The following DIP2B variants were observed in gnomAD, a reference collection of about 807,000 sequenced individuals.
The protein encoded by DIP2B is DIP2 acetate--CoA ligase B (putative).
In DIP2B, 76 loss-of-function variants were observed where a neutral mutation model predicts 198.0. The observed-to-expected ratio is 0.38, with a 90% CI of 0.32 to 0.46. The LOEUF (loss-of-function observed/expected upper bound fraction) is 0.46, where lower values mean the gene tolerates loss of function less well. Among genes scored for constraint, DIP2B ranks in the 20% least tolerant of loss-of-function variants. The probability of loss-of-function intolerance (pLI) is 0.99; values close to 1 mark genes in which losing one functional copy is unlikely to be tolerated. For synonymous variants in DIP2B, 701 were observed against 739.1 expected (o/e 0.95, Z 0.84); for missense variants, 1,559 against 1,978.4 (o/e 0.79, Z 4.02).
chr12:50,638,288 G>A (rs1397565736), intron 2 of DIP2B, among the ~76,000 whole-genome samples: 1 of 152,120 alleles, frequency 6.6e-6, no homozygotes, highest in Non-Finnish European at 1.5e-5. Flanking sequence ...GGTTTTATGC[G>A]TAATTCATCC....
At chr12:50,659,349 T>A (rs577864357) in intron 3 of DIP2B, among the ~76,000 whole-genome samples, 1 of 152,314 alleles carries the variant, frequency 6.6e-6, no homozygotes, top group African/African-American at 2.4e-5. Flanking sequence ...ATATTTACTT[T>A]ACAGAGCGGT....
intron 1 of DIP2B, among the ~76,000 whole-genome samples, chr12:50,526,978 G>A (rs147730032): frequency 2.0e-5 from 3 of 152,220 alleles, no homozygotes; most frequent in Non-Finnish European, 4.4e-5. Context: ...CGTAGGATCT[G>A]ATCTAAAGCA....
intron 1 of DIP2B, among the ~76,000 whole-genome samples, chr12:50,514,867 A>C (rs959586548): frequency 1.6e-4 from 24 of 152,192 alleles, no homozygotes; most frequent in African/African-American, 5.5e-4. Flanking sequence ...TTTGTTGCCC[A>C]GGCTGATCTT....
At chr12:50,588,588 T>C (rs1389385815) in intron 1 of DIP2B, among the ~76,000 whole-genome samples, 2 of 152,202 alleles carry the variant, frequency 1.3e-5, no homozygotes, top group Non-Finnish European at 2.9e-5. Flanking sequence ...GAATGCTGTC[T>C]GAATGAGATA....
chr12:50,667,925 T>C (rs1312161350), intron 4 of DIP2B, among the ~76,000 whole-genome samples: 1 of 152,192 alleles, frequency 6.6e-6, no homozygotes, highest in Non-Finnish European at 1.5e-5. Flanking sequence ...CTCCCAGCTA[T>C]GGTTAGGATA....
In DIP2B at chr12:50,682,998, T is replaced by G. The variant is rs1468757057; in HGVS notation, c.1207-140T>G. The G allele has an allele frequency of 6.7e-5, 46 of 686,550 alleles. No homozygotes were observed. In the South Asian group the frequency reaches 9.2e-4, roughly 14 times the overall value. The allele number at this position is 686,550 out of a possible 1,614,324, so 42.5% of individuals were successfully genotyped here. Reference sequence around the variant, plus strand: ...GATGTGTGTCTCTATCTCAGTAACTTAATTTCCTTTAGAGCAGATGGCTGT... The same window carrying G: ...GATGTGTGTCTCTATCTCAGTAACTGAATTTCCTTTAGAGCAGATGGCTGT... On this transcript the variant is annotated intron_variant, in intron 9 of 37. Transcript: ENST00000301180.
At chr12:50,584,856 G>T (rs755554912) in intron 1 of DIP2B, among the ~76,000 whole-genome samples, 1 of 152,134 alleles carries the variant, frequency 6.6e-6, no homozygotes, top group Non-Finnish European at 1.5e-5. Context: ...GAACCACCGC[G>T]CCTGGCCAAA....
At chr12:50,623,576 A>G (rs1292740794) in intron 1 of DIP2B, among the ~76,000 whole-genome samples, 2 of 151,760 alleles carry the variant, frequency 1.3e-5, no homozygotes, top group Non-Finnish European at 2.9e-5. Flanking sequence ...TAAACAATTT[A>G]GTATATAGCC....
chr12:50,739,424 C>G lies in DIP2B; in HGVS notation c.4192C>G (p.Pro1398Ala). 1.2e-6 allele frequency: 2 copies of G among 1,613,016 alleles called. No homozygotes were observed. The highest frequency in any genetic ancestry group is 2.2e-5 in the South Asian group (2 of 91,048). Residue 1398 changes from proline (P) to alanine (A), a missense_variant, in exon 36 of 38, where the codon CCC (proline) becomes GCC (alanine). Coordinates refer to ENST00000301180, the MANE Select transcript of DIP2B (RefSeq NM_173602.3). The part of the protein sequence containing the change: ...SHLGEIWVNS[P>A]HTASGYYTIY... Reference sequence around the variant, plus strand: ...TTTCTTGTAGATTTGGGTGAACAGTCCCCATACAGCCAGCGGCTACTACAC... The same window carrying G: ...TTTCTTGTAGATTTGGGTGAACAGTGCCCATACAGCCAGCGGCTACTACAC...
At chr12:50,728,420 G>A (rs1202826299) in intron 29 of DIP2B, 128 bp from the exon 30 acceptor site, 9 of 1,110,316 alleles carry the variant, frequency 8.1e-6, no homozygotes, top group Non-Finnish European at 1.1e-5. Flanking sequence ...ATTAGGCTTT[G>A]AAGCACTAAA....
intron 1 of DIP2B, among the ~76,000 whole-genome samples, chr12:50,521,853 C>T (rs1032372691): frequency 2.0e-5 from 3 of 151,770 alleles, no homozygotes; most frequent in South Asian, 2.1e-4. Flanking sequence ...GCTATGTTGC[C>T]CAGGCTTCTT....
chr12:50,521,094 G>GTTT (rs386376482), intron 1 of DIP2B, among the ~76,000 whole-genome samples: 90 of 94,196 alleles, frequency 9.6e-4, no homozygotes, highest in Middle Eastern at 0.01. Flanking sequence ...TTCAGCAACA[G>GTTT]TTTTTTTTTT....
rs58672851 is a variant in DIP2B at position 50,682,628 on chromosome 12, C to CAAA, written c.1207-487_1207-485dup. ...TGGGCGACAGAGCGAGACTCTGTCTCAAAAAAAAAAAAAAAAAAAAAAAAA... is the reference window on the plus strand; with the variant it reads ...TGGGCGACAGAGCGAGACTCTGTCTCAAAAAAAAAAAAAAAAAAAAAAAAAAAA... On this transcript the variant is annotated intron_variant, in intron 9 of 37. Transcript: ENST00000301180. Among the ~76,000 whole-genome samples, 244 of 41,060 alleles carry CAAA rather than the reference C, an allele frequency of 5.9e-3. 1 individual carries two copies. The highest frequency in any genetic ancestry group is 7.0e-3 in the African/African-American group (72 of 10,266). 26.9% of individuals were successfully genotyped at this position (41,060 alleles called of 152,430 possible). A position where few individuals can be genotyped will look rare whatever the true frequency, so the allele number is the denominator to read the frequency against.
chr12:50,595,186 C>G (rs1040090657), intron 1 of DIP2B, among the ~76,000 whole-genome samples: 1 of 152,208 alleles, frequency 6.6e-6, no homozygotes, highest in Non-Finnish European at 1.5e-5. Flanking sequence ...CATGCTGACT[C>G]TGGTGATGCG....
chr12:50,523,307 A>G (rs1958136407), intron 1 of DIP2B, among the ~76,000 whole-genome samples: 2 of 152,174 alleles, frequency 1.3e-5, no homozygotes, highest in Admixed American at 6.6e-5. Context: ...TACTATGTCA[A>G]TAGTTGTTAT....
intron 2 of DIP2B, among the ~76,000 whole-genome samples, chr12:50,637,006 A>G (rs1441504716): frequency 6.6e-6 from 1 of 152,122 alleles, no homozygotes; most frequent in East Asian, 1.9e-4. Flanking sequence ...CGACCCTTCA[A>G]AGGAAGACTG....
intron 1 of DIP2B, among the ~76,000 whole-genome samples, chr12:50,581,957 G>C (rs1958727908): frequency 6.6e-6 from 1 of 152,092 alleles, no homozygotes; most frequent in Admixed American, 6.6e-5. Flanking sequence ...CAGTGTGAGA[G>C]CTGTGCGAGC....
intron 9 of DIP2B, among the ~76,000 whole-genome samples, chr12:50,682,628 CAAAAAAAAAAAAAA>C (rs58672851): frequency 0.012 from 503 of 42,160 alleles, 5 homozygotes; most frequent in African/African-American, 0.044. Flanking sequence ...GACTCTGTCT[CAAAAAAAAAAAAAA>C]AAAAAAAAAA....
At chr12:50,726,245 C>G (rs1460997972) in intron 28 of DIP2B, among the ~76,000 whole-genome samples, 1 of 152,168 alleles carries the variant, frequency 6.6e-6, no homozygotes, top group Non-Finnish European at 1.5e-5. Flanking sequence ...TGGCTGGAGC[C>G]AGAGGAAATC....
Sources: allele counts gnomAD v4.1 joint callset (sites outside exome capture counted in the v4.1 genomes callset), GRCh38; gene constraint gnomAD v4.1.1; transcripts MANE v1.5; gene names NCBI Gene and HGNC (gene_info 2026-07-23, HGNC 2026-07-21).